PPA2: variants seen among roughly 807,000 people sequenced by gnomAD.
The protein encoded by PPA2 is inorganic pyrophosphatase 2, mitochondrial.
A neutral mutation model predicts 49.5 loss-of-function variants in PPA2; 48 were observed. That is an observed-to-expected ratio of 0.97 (90% CI 0.77 to 1.23). The LOEUF (loss-of-function observed/expected upper bound fraction) is 1.23, where lower values mean the gene tolerates loss of function less well. Among genes scored for constraint, PPA2 ranks in the 50% most tolerant of loss-of-function variants. PPA2 has a pLI of 0.00. For missense variants in PPA2, 429 were observed against 410.1 expected, an observed-to-expected ratio of 1.05 and a Z score of -0.40; for synonymous variants, 131 against 139.9, an observed-to-expected ratio of 0.94 and a Z score of 0.45.
intron 1 of PPA2, among the ~76,000 whole-genome samples, chr4:105,466,922 C>T (rs768860631): frequency 1.3e-5 from 2 of 152,304 alleles, no homozygotes; most frequent in Non-Finnish European, 2.9e-5. Context: ...AGGTCACATA[C>T]CAAACTCTGC....
In PPA2 at chr4:105,456,721, G is replaced by A. The variant is rs772083375; in HGVS notation, c.182C>T (p.Ser61Phe). The A allele has an allele frequency of 1.4e-5, 22 of 1,606,996 alleles. No individual in the cohort carries two copies. The highest frequency in any genetic ancestry group is 1.7e-5 in the Non-Finnish European group (20 of 1,176,166). The change falls in exon 2 of 12, where the codon TCC (serine) becomes TTC (phenylalanine). Residue 61 changes from serine to phenylalanine, a missense_variant. By Grantham distance (155) the Ser-to-Phe change is radical. Coordinates refer to ENST00000341695, the MANE Select transcript of PPA2 (RefSeq NM_176869.3). ...CTTCAGAGGAATATCATGAAAGGGG[G>A]AAATGTAGTGACCAGTTACATTCTC... The part of the protein sequence containing the change: ...FFKNVTGHYI[S>F]PFHDIPLKVN...
chr4:105,400,949 T>C (rs1044753260), intron 7 of PPA2, among the ~76,000 whole-genome samples: 2 of 152,158 alleles, frequency 1.3e-5, no homozygotes, highest in Non-Finnish European at 2.9e-5. Context: ...CAACTAATTA[T>C]ACCCTAGGAG....
intron 5 of PPA2, among the ~76,000 whole-genome samples, chr4:105,441,013 C>A (rs2110294152): frequency 6.6e-6 from 1 of 152,224 alleles, no homozygotes; most frequent in East Asian, 1.9e-4. Flanking sequence ...ACTAACTCAC[C>A]TCTAATTTAA....
intron 1 of PPA2, chr4:105,473,656 C>T: frequency 1.3e-6 from 1 of 759,112 alleles, no homozygotes; most frequent in South Asian, 1.4e-5. Flanking sequence ...CCCCAGCCGG[C>T]AGCCCTGCGC....
chr4:105,418,424 T>C (rs1723107100), intron 7 of PPA2, among the ~76,000 whole-genome samples: 1 of 152,228 alleles, frequency 6.6e-6, no homozygotes, highest in Admixed American at 6.5e-5. Flanking sequence ...TCTCAACATA[T>C]TTATTTTTGC....
chr4:105,434,630 T>C (rs1301769759), intron 6 of PPA2, among the ~76,000 whole-genome samples: 3 of 152,212 alleles, frequency 2.0e-5, no homozygotes, highest in African/African-American at 4.8e-5. Context: ...AAATCACATA[T>C]AGCTTTTAAA....
intron 6 of PPA2, among the ~76,000 whole-genome samples, chr4:105,428,172 C>A (rs1723616263): frequency 6.6e-6 from 1 of 152,182 alleles, no homozygotes; most frequent in South Asian, 2.1e-4. Context: ...CACCACGACG[C>A]CTGCTTTACA....
rs763040737 is a variant in PPA2, at chr4:105,473,941, G to C, written c.110C>G (p.Thr37Ser). ...CGAGCAGGGCTGGCCGCGCTCCTCA[G>C]TGTGGTACAGGGCCATAGCACGGCG... is the stretch of plus-strand genomic sequence containing the variant. ...GSRRAMALYHTEERGQPCSQN... is the reference protein window; with the variant it reads ...GSRRAMALYHSEERGQPCSQN... Residue 37 changes from threonine to serine, a missense_variant, in exon 1 of 12, where the codon ACT becomes AGT. By Grantham distance (58) the Thr-to-Ser change is moderately conservative. Transcript: ENST00000341695. 2 of 1,612,436 alleles carry C rather than the reference G, an allele frequency of 1.2e-6. No individual in the cohort carries two copies. Among genetic ancestry groups the C allele is most frequent in the East Asian group, 4.5e-5 (2 of 44,856 alleles).
chr4:105,409,778 T>C (rs921523221), intron 7 of PPA2, among the ~76,000 whole-genome samples: 2 of 152,332 alleles, frequency 1.3e-5, no homozygotes, highest in East Asian at 3.9e-4. Flanking sequence ...GAATAGGGTC[T>C]GGAGTGGGCC....
chr4:105,411,309 AAAG>A (rs1560618303), intron 7 of PPA2, among the ~76,000 whole-genome samples: 1 of 152,234 alleles, frequency 6.6e-6, no homozygotes, highest in Non-Finnish European at 1.5e-5. Flanking sequence ...CAAAAGAGAC[AAAG>A]AAGGCCATTA....
At chr4:105,387,245 G>A (rs977522038) in intron 9 of PPA2, among the ~76,000 whole-genome samples, 1 of 152,056 alleles carries the variant, frequency 6.6e-6, no homozygotes, top group Admixed American at 6.6e-5. Flanking sequence ...CTCTCTAGAT[G>A]AAAGCAAAAG....
chr4:105,381,992 A>T (rs1733507501), intron 10 of PPA2, among the ~76,000 whole-genome samples: 1 of 151,896 alleles, frequency 6.6e-6, no homozygotes, highest in Non-Finnish European at 1.5e-5. Context: ...TGTTAAGTTG[A>T]ACTTCTATAA....
At chr4:105,464,556 T>C (rs899423999) in intron 1 of PPA2, among the ~76,000 whole-genome samples, 2 of 152,204 alleles carry the variant, frequency 1.3e-5, no homozygotes, top group Non-Finnish European at 2.9e-5. Context: ...GGCAGAATGA[T>C]ATGGTTTGGC....
At chr4:105,409,997 A>C (rs1210235308) in intron 7 of PPA2, among the ~76,000 whole-genome samples, 1 of 152,092 alleles carries the variant, frequency 6.6e-6, no homozygotes, top group Non-Finnish European at 1.5e-5. Context: ...AAACCAGAGC[A>C]CCTCTCCTCT....
Position 105,405,634 on chromosome 4 carries a change from A to G in PPA2, c.656-6470T>C, listed in dbSNP as rs1193549166. ...AAAAGACTCCTCAAGTTTCCAAAGCATTCTGCTTCGGAAAAAACAGAGACC... is the reference window on the plus strand; with the variant it reads ...AAAAGACTCCTCAAGTTTCCAAAGCGTTCTGCTTCGGAAAAAACAGAGACC... On this transcript the variant is annotated intron_variant, in intron 7 of 11. Coordinates refer to ENST00000341695, the MANE Select transcript of PPA2 (RefSeq NM_176869.3). The G allele has an allele frequency of 9.8e-6, 10 of 1,018,116 alleles. 1 individual carries two copies. Among genetic ancestry groups the G allele is most frequent in the East Asian group, 1.9e-4 (2 of 10,748 alleles). 63.1% of individuals were successfully genotyped at this position (1,018,116 alleles called of 1,614,324 possible).
chr4:105,468,856 C>T (rs1723411803), intron 1 of PPA2, among the ~76,000 whole-genome samples: 1 of 151,824 alleles, frequency 6.6e-6, no homozygotes, highest in African/African-American at 2.4e-5. Flanking sequence ...TAAACTAATC[C>T]CCCTGTGTTA....
intron 4 of PPA2, among the ~76,000 whole-genome samples, 177 bp downstream of exon 4, chr4:105,449,173 C>T (rs1160518989): frequency 2.0e-5 from 2 of 99,096 alleles, no homozygotes; most frequent in East Asian, 5.4e-4. Flanking sequence ...GCCGAGATCC[C>T]GCCACTGCAC....
intron 1 of PPA2, among the ~76,000 whole-genome samples, chr4:105,460,796 C>T (rs1036259378): frequency 6.6e-6 from 1 of 150,424 alleles, no homozygotes; most frequent in African/African-American, 2.5e-5. Flanking sequence ...TTAAATTTCC[C>T]CAAAGATCCA....
In PPA2 at chr4:105,386,891, C is replaced by G. The variant is rs116750496; in HGVS notation, c.870-255G>C. ...TTTTAAAAATTATATTACACAAATC[C>G]TAATAATTTCCAGGTATATATAAAA... On this transcript the variant is annotated intron_variant, in intron 9 of 11. Transcript: ENST00000341695. Among the ~76,000 whole-genome samples the G allele has an allele frequency of 0.021, 3,170 of 152,126 alleles. 51 individuals are homozygous for G. Among genetic ancestry groups the G allele is most frequent in the Middle Eastern group, 0.062 (18 of 292 alleles).
Sources: allele counts gnomAD v4.1 joint callset (sites outside exome capture counted in the v4.1 genomes callset), GRCh38; gene constraint gnomAD v4.1.1; transcripts MANE v1.5; gene names NCBI Gene and HGNC (gene_info 2026-07-23, HGNC 2026-07-21).